GLDC: variants seen among roughly 807,000 people sequenced by gnomAD.
GLDC encodes the protein glycine decarboxylase, also known as glycine dehydrogenase (decarboxylating), mitochondrial.
GLDC carries 104 observed loss-of-function variants against 121.3 expected under a neutral mutation model. That is an observed-to-expected ratio of 0.86 (90% CI 0.73 to 1.01). The LOEUF (loss-of-function observed/expected upper bound fraction) is 1.01. Ranked by LOEUF, GLDC falls within the 50% of genes least tolerant of loss-of-function variation. The pLI, the probability that GLDC is intolerant of heterozygous loss-of-function variation, is 0.00. For synonymous variants in GLDC, 546 were observed against 480.6 expected, an observed-to-expected ratio of 1.14 and a Z score of -1.78; for missense variants, 1,429 against 1,306.6, an observed-to-expected ratio of 1.09 and a Z score of -1.44.
chr9:6,572,927 G>A (rs1436056155), intron 15 of GLDC, among the ~76,000 whole-genome samples: 1 of 152,140 alleles, frequency 6.6e-6, no homozygotes, highest in East Asian at 1.9e-4. Flanking sequence ...TTCCCAGGCA[G>A]ATCTCACAAA....
Position 6,619,197 on chromosome 9 carries a change from T to C in GLDC, c.470+987A>G, listed in dbSNP as rs549332937. On this transcript the variant is annotated intron_variant, in intron 3 of 24. Transcript: ENST00000321612. ...AAAAAGAAGAAGTAGGAGTGACTTA[T>C]CTAACTGTTGAGGTAAGACTGGAAT... is the stretch of plus-strand genomic sequence containing the variant. Among the ~76,000 whole-genome samples the C allele has an allele frequency of 1.6e-4, 24 of 145,696 alleles. 2 individuals are homozygous for C. The South Asian group carries it at 3.7e-3, about 23-fold the overall frequency.
intron 2 of GLDC, among the ~76,000 whole-genome samples, chr9:6,629,342 G>A (rs1819313445): frequency 1.3e-5 from 2 of 151,610 alleles, no homozygotes; most frequent in South Asian, 2.1e-4. Context: ...AGCCTCCCGA[G>A]TAGCTGGGAT....
rs751822565 is a variant in GLDC, at chr9:6,588,631, C to T, written c.1652G>A (p.Ser551Asn). 1.2e-6 allele frequency: 2 copies of T among 1,609,608 alleles called. No homozygotes were observed. Among genetic ancestry groups the T allele is most frequent in the South Asian group, 1.1e-5 (1 of 91,010 alleles). ...ACAAATAACTACCAGTGGAATCATG[C>T]TGTGAACAAGGGAAATGTCTTTATT... ...LENKDISLVH[S>N]MIPLGSCTMK... The change falls in exon 13 of 25, where the codon AGC (serine) becomes AAC (asparagine). Residue 551 changes from serine (S) to asparagine (N), a missense_variant. Physicochemically the swap from Ser to Asn is conservative, Grantham distance 46. Coordinates refer to ENST00000321612, the MANE Select transcript of GLDC (RefSeq NM_000170.3).
chr9:6,588,782 C>G (rs1004096853), intron 12 of GLDC, 80 bp from the exon 13 acceptor site: 2 of 860,020 alleles, frequency 2.3e-6, no homozygotes, highest in African/African-American at 1.7e-5. Context: ...ATAAGACACA[C>G]CGAAATCTAC....
intron 16 of GLDC, among the ~76,000 whole-genome samples, chr9:6,560,251 T>C (rs1272645995): frequency 6.6e-6 from 1 of 152,242 alleles, no homozygotes; most frequent in Non-Finnish European, 1.5e-5. Flanking sequence ...TGGATGGGCA[T>C]TATTGAAAAT....
intron 15 of GLDC, among the ~76,000 whole-genome samples, chr9:6,585,756 T>C (rs940064931): frequency 6.6e-6 from 1 of 152,158 alleles, no homozygotes; most frequent in Non-Finnish European, 1.5e-5. Flanking sequence ...GCAGATACCA[T>C]AACTCATTTT....
intron 15 of GLDC, among the ~76,000 whole-genome samples, chr9:6,582,860 A>G (rs1363829453): frequency 1.3e-5 from 2 of 152,268 alleles, no homozygotes; most frequent in East Asian, 3.9e-4. Context: ...CTATAACTCA[A>G]CAACAAATCT....
rs1156711956 is a variant in GLDC, at chr9:6,633,821, C to CTTTTTTTTTT, written c.334+10783_334+10792dup. ...ACTTGGGAGGCTGAGGCAGGAGAAT[C>CTTTTTTTTTT]TTTTTTTTTTTTTTTTTTTTTTTTT... On this transcript the variant is annotated intron_variant, in intron 2 of 24. Transcript: ENST00000321612. Among the ~76,000 whole-genome samples, 62 of 89,454 alleles carry CTTTTTTTTTT rather than the reference C, an allele frequency of 6.9e-4. 8 individuals carry two copies. The highest frequency in any genetic ancestry group is 3.1e-3 in the African/African-American group (61 of 19,954). The allele number at this position is 89,454 out of a possible 152,430, so 58.7% of individuals were successfully genotyped here. A position where few individuals can be genotyped will look rare whatever the true frequency, so the allele number is the denominator to read the frequency against.
At chr9:6,613,087 C>T (rs113691714) in intron 3 of GLDC, among the ~76,000 whole-genome samples, 2,447 of 152,140 alleles carry the variant, frequency 0.016, 62 homozygotes, top group African/African-American at 0.049. Flanking sequence ...ACTAAATTTT[C>T]TTTTTATTGT....
intron 8 of GLDC, among the ~76,000 whole-genome samples, chr9:6,600,862 T>G (rs185640188): frequency 9.9e-4 from 151 of 152,178 alleles, no homozygotes; most frequent in Non-Finnish European, 1.6e-3. Context: ...TCTTCCTGTT[T>G]TATCCCATCC....
chr9:6,645,433 C>T lies in GLDC; in HGVS notation c.67G>A (p.Ala23Thr), dbSNP rs978322077. ...GRGVGGGRRL[A>T]GGSGPCWAPR... ...GCCCAGCACGGCCCCGATCCCCCAG[C>T]CAGGCGGCGGCCGCCCCCGACCCCG... The change falls in exon 1 of 25, where the codon GCT becomes ACT. Residue 23 changes from alanine (A) to threonine (T), a missense_variant. Physicochemically the swap from Ala to Thr is moderately conservative, Grantham distance 58. Transcript: ENST00000321612. 2.3e-6 allele frequency: 3 copies of T among 1,286,586 alleles called. No individual in the cohort carries two copies. The highest frequency in any genetic ancestry group is 3.1e-5 in the African/African-American group (2 of 64,356). The allele number at this position is 1,286,586 out of a possible 1,614,324, so 79.7% of individuals were successfully genotyped here. A position where few individuals can be genotyped will look rare whatever the true frequency, so the allele number is the denominator to read the frequency against.
chr9:6,584,939 C>G (rs565934924), intron 15 of GLDC: 1 of 152,286 alleles, frequency 6.6e-6, no homozygotes, highest in Non-Finnish European at 1.5e-5. Flanking sequence ...AGAAAGAACA[C>G]CAGGTATGTA....
At chr9:6,639,019 A>C (rs1186790997) in intron 2 of GLDC, 1 of 502,670 alleles carries the variant, frequency 2.0e-6, no homozygotes, top group African/African-American at 2.0e-5. Flanking sequence ...AGAAAAAAAA[A>C]AAAAGTATAT....
intron 2 of GLDC, among the ~76,000 whole-genome samples, chr9:6,623,461 C>T (rs1819163097): frequency 6.7e-6 from 1 of 149,776 alleles, no homozygotes; most frequent in African/African-American, 2.5e-5. Context: ...CTCAAGTACC[C>T]AGGGACACAA....
chr9:6,632,824 TCAC>T (rs1355200730), intron 2 of GLDC, among the ~76,000 whole-genome samples: 3 of 152,170 alleles, frequency 2.0e-5, no homozygotes, highest in East Asian at 3.9e-4. Flanking sequence ...CTGAACTCAG[TCAC>T]CACATTTCTC....
intron 16 of GLDC, among the ~76,000 whole-genome samples, chr9:6,561,745 T>C (rs1176994311): frequency 2.6e-5 from 4 of 152,222 alleles, no homozygotes; most frequent in African/African-American, 9.6e-5. Flanking sequence ...ATTTGGTGCA[T>C]TGATGCCCAT....
At chr9:6,594,802 T>TG (rs1563852324) in intron 9 of GLDC, among the ~76,000 whole-genome samples, 3 of 92,072 alleles carry the variant, frequency 3.3e-5, no homozygotes, top group Non-Finnish European at 7.7e-5. Flanking sequence ...AAAAAGGAAA[T>TG]AAAAGAAAGA....
chr9:6,544,116 T>A (rs1347204208), intron 21 of GLDC, among the ~76,000 whole-genome samples: 2 of 152,210 alleles, frequency 1.3e-5, no homozygotes, highest in African/African-American at 4.8e-5. Flanking sequence ...GGGTAACTAC[T>A]CTGGAAAGCT....
At chr9:6,588,796 C>T (rs1042542062) in intron 12 of GLDC, 94 bp from the exon 13 acceptor site, 1 of 822,292 alleles carries the variant, frequency 1.2e-6, no homozygotes, top group East Asian at 2.5e-5. Context: ...AATCTACTTT[C>T]AAAATGCAGA....
Sources: gnomAD v4.1 joint callset for allele counts (sites outside exome capture counted in the v4.1 genomes callset) on GRCh38, gnomAD v4.1.1 for gene constraint, MANE v1.5 for transcripts, NCBI Gene and HGNC (gene_info 2026-07-23, HGNC 2026-07-21) for gene names.